CASK: variants seen among roughly 807,000 people sequenced by gnomAD.
The protein encoded by CASK is calcium/calmodulin dependent serine protein kinase, also known as peripheral plasma membrane protein CASK.
A neutral mutation model predicts 82.9 loss-of-function variants in CASK; 4 were observed. The ratio of observed to expected loss-of-function variants is 0.05; its 90% CI spans 0.02 to 0.11. CASK has a LOEUF of 0.11. Among genes scored for constraint, CASK ranks in the 10% least tolerant of loss-of-function variants. The pLI, the probability that CASK is intolerant of heterozygous loss-of-function variation, is 1.00. For missense variants in CASK, 358 were observed against 720.9 expected (o/e 0.50, Z 5.76); for synonymous variants, 259 against 253.5 (o/e 1.02, Z -0.20).
chrX:41,848,139 A>T (rs1350902970), intron 2 of CASK, among the ~76,000 whole-genome samples: 1 of 112,586 alleles, frequency 8.9e-6, no homozygotes, highest in Non-Finnish European at 1.9e-5. Flanking sequence ...AATGAAATTA[A>T]ACAACTACCT....
intron 3 of CASK, among the ~76,000 whole-genome samples, chrX:41,785,948 A>C (rs987033667): frequency 7.1e-5 from 8 of 112,186 alleles, no homozygotes; most frequent in Non-Finnish European, 1.9e-5. Flanking sequence ...GCTCTGATGA[A>C]GCCAGCTGCC....
chrX:41,532,720 TAGAA>T (rs1227218462), intron 24 of CASK, among the ~76,000 whole-genome samples: 1 of 111,675 alleles, frequency 9.0e-6, no homozygotes, highest in African/African-American at 3.3e-5. Context: ...GCCTGTTTGT[TAGAA>T]CATAAAGTGC....
chrX:41,894,415 A>T (rs2072233417), intron 1 of CASK, among the ~76,000 whole-genome samples: 1 of 110,623 alleles, frequency 9.0e-6, no homozygotes, highest in South Asian at 3.8e-4. Context: ...TAGATTACTA[A>T]TTTTTGTTAT....
chrX:41,792,961 AT>A (rs2069765238), intron 2 of CASK, among the ~76,000 whole-genome samples: 1 of 111,530 alleles, frequency 9.0e-6, no homozygotes, highest in Admixed American at 9.6e-5. Context: ...TCCTCTCCTG[AT>A]TGTGAGTTCT....
chrX:41,657,642 C>T (rs2066963083), intron 8 of CASK, among the ~76,000 whole-genome samples: 1 of 111,254 alleles, frequency 9.0e-6, no homozygotes. Context: ...CCTGCCTCAG[C>T]CTCCCAAGTA....
intron 2 of CASK, among the ~76,000 whole-genome samples, chrX:41,843,144 G>A (rs1001854581): frequency 9.0e-6 from 1 of 111,494 alleles, no homozygotes; most frequent in Non-Finnish European, 1.9e-5. Context: ...TTTCAATCTG[G>A]ATGCTTTTAT....
Position 41,645,819 on chromosome X carries a change from TCAC to T in CASK, c.832-9161_832-9159del, listed in dbSNP as rs1201478789. Among the ~76,000 whole-genome samples the T allele has an allele frequency of 2.7e-5, 3 of 111,515 alleles. No homozygotes were observed. In the Admixed American group the frequency reaches 2.9e-4, roughly 11 times the overall value. On this transcript the variant is annotated intron_variant, in intron 8 of 26. Transcript: ENST00000378163. ...GATTCTCCTCCTTATACTTTCTGTC[TCAC>T]CAGTTTCCTCTCACACTGATTTACC...
At chrX:41,606,546 C>T (rs763986621) in intron 12 of CASK, among the ~76,000 whole-genome samples, 2 of 111,940 alleles carry the variant, frequency 1.8e-5, no homozygotes, top group African/African-American at 6.5e-5. Flanking sequence ...AGTCACCGTA[C>T]CTGGCCTAAA....
chrX:41,896,443 G>T (rs926740067), intron 1 of CASK, among the ~76,000 whole-genome samples: 2 of 112,187 alleles, frequency 1.8e-5, no homozygotes, highest in African/African-American at 3.2e-5. Context: ...ATAGGGAAAA[G>T]ACAATGTTAA....
intron 2 of CASK, among the ~76,000 whole-genome samples, chrX:41,841,093 A>G (rs923575417): frequency 1.8e-5 from 2 of 112,052 alleles, no homozygotes; most frequent in African/African-American, 6.5e-5. Context: ...AGGGTGCTCT[A>G]AGTTCAACTT....
intron 2 of CASK, among the ~76,000 whole-genome samples, chrX:41,811,562 C>T (rs1273281806): frequency 8.9e-6 from 1 of 112,168 alleles, no homozygotes; most frequent in African/African-American, 3.2e-5. Context: ...CACAACATAC[C>T]AGAATCTCTG....
chrX:41,686,992 T>A (rs1046354917), intron 5 of CASK, among the ~76,000 whole-genome samples: 9 of 111,639 alleles, frequency 8.1e-5, no homozygotes, highest in Non-Finnish European at 1.7e-4. Context: ...AAAGCTTATA[T>A]AAAGAAAGAA....
chrX:41,626,488 T>C, intron 10 of CASK, 116 bp downstream of exon 10: 1 of 535,438 alleles, frequency 1.9e-6, no homozygotes, highest in Non-Finnish European at 3.3e-6. Context: ...ACAAACTTCC[T>C]TAGAATCCGT....
At chrX:41,731,226 C>T (rs2068391068) in intron 5 of CASK, among the ~76,000 whole-genome samples, 1 of 111,787 alleles carries the variant, frequency 8.9e-6, no homozygotes, top group Non-Finnish European at 1.9e-5. Context: ...TTGAGACCAG[C>T]CTGATCAACA....
At chrX:41,668,440 TAGAG>T (rs1232941339) in intron 6 of CASK, among the ~76,000 whole-genome samples, 1 of 111,773 alleles carries the variant, frequency 8.9e-6, no homozygotes, top group Non-Finnish European at 1.9e-5. Flanking sequence ...AAGTCAGCCT[TAGAG>T]AGTGTCTTTA....
chrX:41,797,513 A>T (rs2069886060), intron 2 of CASK, among the ~76,000 whole-genome samples: 1 of 111,600 alleles, frequency 9.0e-6, no homozygotes, highest in Non-Finnish European at 1.9e-5. Context: ...GCTAGAAGGC[A>T]ACATCAAGCA....
intron 2 of CASK, among the ~76,000 whole-genome samples, chrX:41,837,230 T>C (rs949724761): frequency 1.8e-5 from 2 of 111,964 alleles, no homozygotes; most frequent in East Asian, 5.5e-4. Context: ...TTTAACCCAT[T>C]TTCCCCCATA....
chrX:41,604,280 T>C (rs762596734), intron 12 of CASK, among the ~76,000 whole-genome samples: 1 of 103,528 alleles, frequency 9.7e-6, no homozygotes, highest in South Asian at 4.8e-4. Flanking sequence ...AATGTGACCT[T>C]ATTTGGAAAT....
intron 5 of CASK, among the ~76,000 whole-genome samples, chrX:41,734,563 T>C (rs1290574882): frequency 9.0e-6 from 1 of 111,652 alleles, no homozygotes; most frequent in Non-Finnish European, 1.9e-5. Context: ...CAGAAAAAAA[T>C]AGAAATTTAT....
Sources: gnomAD v4.1 joint callset for allele counts (sites outside exome capture counted in the v4.1 genomes callset) on GRCh38, gnomAD v4.1.1 for gene constraint, MANE v1.5 for transcripts, NCBI Gene and HGNC (gene_info 2026-07-23, HGNC 2026-07-21) for gene names.